RMST: variants seen among roughly 807,000 people sequenced by gnomAD.
The protein encoded by RMST is long intergenic non-protein coding RNA 54.
chr12:97,562,917 A>T (rs1187138578), intron 13 of RMST, among the ~76,000 whole-genome samples: 2 of 152,194 alleles, frequency 1.3e-5, no homozygotes, highest in Non-Finnish European at 2.9e-5. Flanking sequence ...ATGCATTTTT[A>T]AAAAATAAAG....
chr12:97,559,562 A>G (rs1016762625), intron 11 of RMST, among the ~76,000 whole-genome samples: 1 of 152,156 alleles, frequency 6.6e-6, no homozygotes, highest in Non-Finnish European at 1.5e-5. Flanking sequence ...GTCTATTGTA[A>G]TATTATAGTC....
chr12:97,474,900 T>C (rs1874365717), intron 5 of RMST, among the ~76,000 whole-genome samples: 1 of 152,206 alleles, frequency 6.6e-6, no homozygotes, highest in Admixed American at 6.5e-5. Flanking sequence ...TAGGAGACGA[T>C]ACACCTCTTT....
intron 5 of RMST, among the ~76,000 whole-genome samples, chr12:97,480,091 T>TTTTTC: frequency 1.1e-5 from 1 of 94,696 alleles, no homozygotes; most frequent in Admixed American, 1.0e-4. Flanking sequence ...TCTTTTTTCT[T>TTTTTC]TTTTTTTCTT....
chr12:97,475,524 C>T (rs1020387892), intron 5 of RMST, among the ~76,000 whole-genome samples: 3 of 151,822 alleles, frequency 2.0e-5, no homozygotes, highest in Non-Finnish European at 2.9e-5. Flanking sequence ...AACACAGTTT[C>T]TTCCTCTGTA....
chr12:97,481,394 A>AT (rs1294911235), intron 5 of RMST, among the ~76,000 whole-genome samples: 19 of 152,060 alleles, frequency 1.2e-4, no homozygotes, highest in Non-Finnish European at 1.8e-4. Context: ...TTTCTCTGTG[A>AT]TTTTTTAAAC....
intron 10 of RMST, among the ~76,000 whole-genome samples, chr12:97,509,795 C>T (rs1289872041): frequency 6.6e-6 from 1 of 152,198 alleles, no homozygotes; most frequent in Non-Finnish European, 1.5e-5. Context: ...ATTATACAGC[C>T]AGTCAACAAA....
intron 10 of RMST, among the ~76,000 whole-genome samples, chr12:97,501,114 AG>A (rs1375399688): frequency 2.0e-5 from 3 of 152,214 alleles, no homozygotes; most frequent in African/African-American, 7.2e-5. Flanking sequence ...GCACTTGTCT[AG>A]GACTGTGGAA....
intron 11 of RMST, among the ~76,000 whole-genome samples, chr12:97,553,235 G>T (rs952267059): frequency 6.7e-6 from 1 of 148,314 alleles, no homozygotes; most frequent in African/African-American, 2.5e-5. Context: ...ACAAAATAGC[G>T]ATACATTTTA....
rs551055083 is a variant in RMST at position 97,529,438 on chromosome 12, C to A, written n.1341-1217C>A. On this transcript the variant is annotated intron_variant and non_coding_transcript_variant, in intron 10 of 13. Transcript: ENST00000640149. Reference sequence around the variant, plus strand: ...AAACATTTTGTGTTGTGTTCGGCAGCCAAATATACACAATTCTTAGGTAAA... The same window carrying A: ...AAACATTTTGTGTTGTGTTCGGCAGACAAATATACACAATTCTTAGGTAAA... Among the ~76,000 whole-genome samples, 10 of 152,138 alleles carry A rather than the reference C, an allele frequency of 6.6e-5. No individual in the cohort carries two copies. The South Asian group carries it at 1.2e-3, about 19-fold the overall frequency.
intron 6 of RMST, chr12:97,492,976 A>T (rs533426227): frequency 2.0e-5 from 3 of 152,332 alleles, no homozygotes; most frequent in African/African-American, 7.2e-5. Flanking sequence ...CCAGAAACCT[A>T]AGAAAGTTAT....
At chr12:97,521,679 A>G (rs1880527793) in intron 10 of RMST, among the ~76,000 whole-genome samples, 1 of 152,150 alleles carries the variant, frequency 6.6e-6, no homozygotes, top group African/African-American at 2.4e-5. Context: ...TGTACTTCCC[A>G]TATGGAATCT....
At chr12:97,464,291 A>T (rs1043115435) in intron 4 of RMST, among the ~76,000 whole-genome samples, 3 of 152,180 alleles carry the variant, frequency 2.0e-5, no homozygotes, top group African/African-American at 7.2e-5. Context: ...CCCACAATTT[A>T]AAAGCATTGT....
chr12:97,474,775 A>G (rs1422984346), intron 5 of RMST, among the ~76,000 whole-genome samples: 1 of 152,122 alleles, frequency 6.6e-6, no homozygotes, highest in Non-Finnish European at 1.5e-5. Flanking sequence ...AGCTATTCCC[A>G]GTTTCACTTT....
chr12:97,513,060 C>T (rs1409443009), intron 10 of RMST, among the ~76,000 whole-genome samples: 3 of 152,232 alleles, frequency 2.0e-5, no homozygotes, highest in African/African-American at 7.2e-5. Flanking sequence ...CCACGCCCAC[C>T]CGGAACTCGC....
chr12:97,480,021 C>A (rs1364129289), intron 5 of RMST, among the ~76,000 whole-genome samples: 1 of 152,022 alleles, frequency 6.6e-6, no homozygotes. Flanking sequence ...TTTTTGCCCA[C>A]TTTTGTTTTC....
At position 97,464,081 on chromosome 12, in the gene RMST, C is replaced by T. The variant is rs74622913; in HGVS notation, n.584+792C>T. On this transcript the variant is annotated intron_variant and non_coding_transcript_variant, in intron 4 of 13. Transcript: ENST00000640149. ...TTTCATTTCAAGTAATACAAAAAAA[C>T]TCAGCAGATATTTATAGTGAAACAT... 6.6e-4 allele frequency among the ~76,000 whole-genome samples: 101 copies of T among 152,236 alleles called. 1 individual carries two copies. The East Asian group carries it at 0.015, about 22-fold the overall frequency.
At chr12:97,521,051 G>C (rs2136549879) in intron 10 of RMST, among the ~76,000 whole-genome samples, 1 of 152,304 alleles carries the variant, frequency 6.6e-6, no homozygotes, top group African/African-American at 2.4e-5. Flanking sequence ...TCTTATGTGA[G>C]GTGGGAGAGA....
intron 10 of RMST, among the ~76,000 whole-genome samples, chr12:97,506,757 C>T (rs950262180): frequency 1.6e-4 from 23 of 145,476 alleles, no homozygotes; most frequent in Admixed American, 1.1e-3. Flanking sequence ...AATCTCCGCT[C>T]ACTGCAACCT....
chr12:97,528,770 C>T (rs1317889557), intron 10 of RMST, among the ~76,000 whole-genome samples: 1 of 151,876 alleles, frequency 6.6e-6, no homozygotes, highest in African/African-American at 2.4e-5. Flanking sequence ...ATGATATATG[C>T]AAGGTAAGTA....
Sources: allele counts gnomAD v4.1 joint callset (sites outside exome capture counted in the v4.1 genomes callset), GRCh38; gene constraint gnomAD v4.1.1; transcripts MANE v1.5; gene names NCBI Gene and HGNC (gene_info 2026-07-23, HGNC 2026-07-21).